The following UBTD1 variants were observed in gnomAD, a reference collection of about 807,000 sequenced individuals.
UBTD1 encodes ubiquitin domain-containing protein 1.
In UBTD1, 19 loss-of-function variants were observed where a neutral mutation model predicts 21.7. The ratio of observed to expected loss-of-function variants is 0.87; its 90% CI spans 0.61 to 1.28. UBTD1 has a LOEUF of 1.28. Among genes scored for constraint, UBTD1 ranks in the 50% most tolerant of loss-of-function variants. The pLI is 0.00. For missense variants in UBTD1, 282 were observed against 315.1 expected (o/e 0.89, Z 0.80); for synonymous variants, 116 against 135.1 (o/e 0.86, Z 0.98).
At chr10:97,526,474 C>A (rs7074898) in intron 1 of UBTD1, among the ~76,000 whole-genome samples, 143,333 of 152,048 alleles carry the variant, frequency 0.94, 67,889 homozygotes, top group Non-Finnish European at 0.99. Context: ...CTACCATGAT[C>A]GACACAATAA....
intron 1 of UBTD1, among the ~76,000 whole-genome samples, chr10:97,545,794 TAA>T (rs2040608129): frequency 6.6e-6 from 1 of 152,238 alleles, no homozygotes; most frequent in Non-Finnish European, 1.5e-5. Context: ...GGTAGCTCAG[TAA>T]AGGGTAACTA....
chr10:97,567,652 T>C (rs1157763710), intron 1 of UBTD1, among the ~76,000 whole-genome samples: 1 of 151,668 alleles, frequency 6.6e-6, no homozygotes, highest in Non-Finnish European at 1.5e-5. Flanking sequence ...AGAGTGAAAC[T>C]CCATCTCAAA....
intron 1 of UBTD1, among the ~76,000 whole-genome samples, chr10:97,553,729 G>A (rs753199001): frequency 3.9e-5 from 6 of 152,130 alleles, no homozygotes; most frequent in South Asian, 4.1e-4. Context: ...AGAAGGCAAC[G>A]GTTGGACTCC....
intron 1 of UBTD1, among the ~76,000 whole-genome samples, chr10:97,520,270 G>A (rs1239685858): frequency 6.6e-6 from 1 of 152,150 alleles, no homozygotes; most frequent in Admixed American, 6.5e-5. Context: ...CCCTCATGGG[G>A]CTCTGGGTGG....
intron 1 of UBTD1, among the ~76,000 whole-genome samples, chr10:97,565,789 G>A (rs1033273867): frequency 2.5e-4 from 38 of 151,984 alleles, no homozygotes; most frequent in African/African-American, 8.9e-4. Context: ...ATGGCTCACT[G>A]CAGCCTCAAC....
intron 1 of UBTD1, among the ~76,000 whole-genome samples, chr10:97,525,373 G>C (rs530967416): frequency 8.7e-4 from 133 of 152,356 alleles, no homozygotes; most frequent in African/African-American, 2.9e-3. Context: ...CTGGAAAATG[G>C]AATGAAGTGC....
chr10:97,565,393 C>T (rs1324657073), intron 1 of UBTD1, among the ~76,000 whole-genome samples: 2 of 152,220 alleles, frequency 1.3e-5, no homozygotes, highest in Non-Finnish European at 2.9e-5. Context: ...AATTGTATTA[C>T]ATTTATAGAT....
At chr10:97,548,755 C>T (rs2040622934) in intron 1 of UBTD1, among the ~76,000 whole-genome samples, 1 of 152,198 alleles carries the variant, frequency 6.6e-6, no homozygotes, top group South Asian at 2.1e-4. Context: ...CTGGTCTGGG[C>T]AACAGAGCAA....
chr10:97,522,036 A>T (rs7089060), intron 1 of UBTD1, among the ~76,000 whole-genome samples: 1 of 152,122 alleles, frequency 6.6e-6, no homozygotes, highest in South Asian at 2.1e-4. Context: ...TCAAGTTTCT[A>T]TAGATGGGAG....
chr10:97,551,536 T>C (rs2040637382), intron 1 of UBTD1, among the ~76,000 whole-genome samples: 1 of 152,186 alleles, frequency 6.6e-6, no homozygotes, highest in Non-Finnish European at 1.5e-5. Context: ...TGTTACTCTG[T>C]CTTTGACCTG....
At chr10:97,536,225 C>T (rs904621843) in intron 1 of UBTD1, among the ~76,000 whole-genome samples, 7 of 152,090 alleles carry the variant, frequency 4.6e-5, no homozygotes, top group African/African-American at 1.4e-4. Context: ...CTCCTGACCT[C>T]ATGTGATCCA....
chr10:97,530,418 A>G (rs1387264442), intron 1 of UBTD1, among the ~76,000 whole-genome samples: 2 of 152,250 alleles, frequency 1.3e-5, no homozygotes, highest in Non-Finnish European at 2.9e-5. Context: ...AGCCTGGGCT[A>G]CAGAGTGAGA....
At chr10:97,502,020 C>T (rs2040378555) in intron 1 of UBTD1, among the ~76,000 whole-genome samples, 1 of 152,158 alleles carries the variant, frequency 6.6e-6, no homozygotes, top group Non-Finnish European at 1.5e-5. Flanking sequence ...CATTGCAAGC[C>T]TTGAAGACCT....
Position 97,545,401 on chromosome 10 carries a change from T to TGTGTGG in UBTD1, c.71-22508_71-22507insGGTGTG, listed in dbSNP as rs1564741799. On this transcript the variant is annotated intron_variant, in intron 1 of 2. Coordinates refer to ENST00000370664, the MANE Select transcript of UBTD1 (RefSeq NM_024954.5). ...AGTATGGGGCTCGTGTGTGTGTGTG[T>TGTGTGG]GTGTGTGTGGGTGTGGGTGTGTGTG... Among the ~76,000 whole-genome samples the TGTGTGG allele has an allele frequency of 7.0e-5, 6 of 85,354 alleles. No individual in the cohort carries two copies. The East Asian group carries it at 2.1e-3, about 29-fold the overall frequency. The allele number at this position is 85,354 out of a possible 152,430, so 56.0% of individuals were successfully genotyped here.
chr10:97,524,548 A>ATGTCTCATTGATGCTC (rs1346182875), intron 1 of UBTD1, among the ~76,000 whole-genome samples: 3 of 152,136 alleles, frequency 2.0e-5, no homozygotes, highest in African/African-American at 7.2e-5. Context: ...ACGATGACTT[A>ATGTCTCATTGATGCTC]TGTCTCATTG....
At chr10:97,554,304 G>A (rs2040653993) in intron 1 of UBTD1, among the ~76,000 whole-genome samples, 1 of 143,312 alleles carries the variant, frequency 7.0e-6, no homozygotes, top group Admixed American at 7.2e-5. Flanking sequence ...CTGGAGTACA[G>A]TGACATGATC....
intron 1 of UBTD1, among the ~76,000 whole-genome samples, chr10:97,514,751 C>T (rs955512407): frequency 1.3e-5 from 2 of 152,180 alleles, no homozygotes; most frequent in Non-Finnish European, 2.9e-5. Context: ...GGGAATTTTG[C>T]ACCGTTTTTC....
At chr10:97,550,197 C>T (rs889912877) in intron 1 of UBTD1, among the ~76,000 whole-genome samples, 2 of 152,160 alleles carry the variant, frequency 1.3e-5, no homozygotes, top group Admixed American at 6.5e-5. Flanking sequence ...GTCACATAAT[C>T]GGTGCATCTG....
chr10:97,506,000 G>T (rs1290475875), intron 1 of UBTD1, among the ~76,000 whole-genome samples: 3 of 152,190 alleles, frequency 2.0e-5, no homozygotes, highest in Non-Finnish European at 1.5e-5. Flanking sequence ...TTAATATACA[G>T]CTCAGAAAGA....
Sources: allele counts gnomAD v4.1 joint callset (sites outside exome capture counted in the v4.1 genomes callset), GRCh38; gene constraint gnomAD v4.1.1; transcripts MANE v1.5; gene names NCBI Gene and HGNC (gene_info 2026-07-23, HGNC 2026-07-21).